The following SCHIP1 variants were observed in gnomAD, a reference collection of about 807,000 sequenced individuals.
SCHIP1 encodes the protein schwannomin interacting protein 1.
SCHIP1 carries 8 observed loss-of-function variants against 29.7 expected under a neutral mutation model. That is an observed-to-expected ratio of 0.27 (90% CI 0.16 to 0.49). The LOEUF is 0.49. Ranked by LOEUF, SCHIP1 falls within the 20% of genes least tolerant of loss-of-function variation. The pLI, the probability that SCHIP1 is intolerant of heterozygous loss-of-function variation, is 0.99. For synonymous variants in SCHIP1, 76 were observed against 94.9 expected (o/e 0.80, Z 1.16); for missense variants, 193 against 294.6 (o/e 0.66, Z 2.52).
the SCHIP1 span, among the ~76,000 whole-genome samples, chr3:159,587,638 G>C: frequency 2.0e-5 from 3 of 151,982 alleles, no homozygotes; most frequent in Non-Finnish European, 4.4e-5. Context: ...CCCCACAACA[G>C]GACCCAGTGT....
the SCHIP1 span, among the ~76,000 whole-genome samples, chr3:159,425,847 G>A: frequency 4.5e-3 from 681 of 152,048 alleles, no homozygotes; most frequent in Middle Eastern, 0.014. Context: ...ACTATCTCTC[G>A]GACCACAGTG....
chr3:159,687,668 G>T, the SCHIP1 span, among the ~76,000 whole-genome samples: 2 of 152,086 alleles, frequency 1.3e-5, no homozygotes, highest in Non-Finnish European at 2.9e-5. Flanking sequence ...TGTTACACAG[G>T]TATACACGTG....
the SCHIP1 span, among the ~76,000 whole-genome samples, chr3:159,549,626 A>G: frequency 1.3e-5 from 2 of 152,144 alleles, no homozygotes; most frequent in Non-Finnish European, 2.9e-5. Context: ...CCCTTCTTAC[A>G]CTTTGACACT....
chr3:159,888,744 G>A (rs1030333842), intron 4 of SCHIP1, 76 bp from the exon 6 acceptor site: 25 of 1,561,038 alleles, frequency 1.6e-5, no homozygotes, highest in South Asian at 4.9e-5. Context: ...GGTCTTTTAA[G>A]AGAAAACTGG....
At chr3:159,443,433 C>T in the SCHIP1 span, among the ~76,000 whole-genome samples, 2 of 152,122 alleles carry the variant, frequency 1.3e-5, no homozygotes, top group Non-Finnish European at 2.9e-5. Flanking sequence ...ACCCTGGAAA[C>T]AGCAGTAATT....
chr3:159,696,088 A>AT, the SCHIP1 span, among the ~76,000 whole-genome samples: 18 of 151,886 alleles, frequency 1.2e-4, no homozygotes, highest in African/African-American at 4.1e-4. Context: ...AACTTATCAC[A>AT]TTTTTTTCCA....
chr3:159,283,520 T>G, the SCHIP1 span, among the ~76,000 whole-genome samples: 4 of 152,192 alleles, frequency 2.6e-5, no homozygotes, highest in African/African-American at 4.8e-5. Flanking sequence ...TTCCTTTTTT[T>G]TTTTTTGAGA....
the SCHIP1 span, among the ~76,000 whole-genome samples, chr3:159,365,607 AC>A: frequency 6.6e-6 from 1 of 152,134 alleles, no homozygotes; most frequent in African/African-American, 2.4e-5. Flanking sequence ...GTTCCTTTCT[AC>A]GCACTACATT....
At chr3:159,797,150 C>T in the SCHIP1 span, among the ~76,000 whole-genome samples, 14 of 152,316 alleles carry the variant, frequency 9.2e-5, no homozygotes, top group Non-Finnish European at 1.8e-4. Context: ...CTAAAGCATA[C>T]TATTTATAAG....
the SCHIP1 span, among the ~76,000 whole-genome samples, chr3:159,571,231 C>T: frequency 6.6e-6 from 1 of 152,138 alleles, no homozygotes; most frequent in South Asian, 2.1e-4. Context: ...CAAGGGAATG[C>T]TTCCAGTTTT....
At chr3:159,412,182 C>T in the SCHIP1 span, among the ~76,000 whole-genome samples, 1 of 152,130 alleles carries the variant, frequency 6.6e-6, no homozygotes, top group African/African-American at 2.4e-5. Context: ...ACCACTTAGC[C>T]AATAACTAGT....
At chr3:159,756,264 G>C in the SCHIP1 span, among the ~76,000 whole-genome samples, 1 of 152,212 alleles carries the variant, frequency 6.6e-6, no homozygotes, top group African/African-American at 2.4e-5. Context: ...TCAAAATCTA[G>C]GTGGAGGTTC....
chr3:159,817,763 T>C, the SCHIP1 span, among the ~76,000 whole-genome samples: 1 of 152,216 alleles, frequency 6.6e-6, no homozygotes, highest in Non-Finnish European at 1.5e-5. Context: ...TTCCTCATTG[T>C]GCTTTTGTCG....
the SCHIP1 span, among the ~76,000 whole-genome samples, chr3:159,477,265 C>T: frequency 6.6e-6 from 1 of 152,030 alleles, no homozygotes; most frequent in Admixed American, 6.6e-5. Flanking sequence ...TGCATGTATC[C>T]CTTTGACTTA....
chr3:159,730,983 G>T, the SCHIP1 span, among the ~76,000 whole-genome samples: 1 of 152,150 alleles, frequency 6.6e-6, no homozygotes, highest in Non-Finnish European at 1.5e-5. Context: ...ATATGGAGTG[G>T]CCTTTGTCCT....
the SCHIP1 span, among the ~76,000 whole-genome samples, chr3:159,512,787 G>A: frequency 1.3e-5 from 2 of 152,176 alleles, no homozygotes; most frequent in African/African-American, 4.8e-5. Flanking sequence ...CTATCAAATA[G>A]TAGGTCTTAC....
the SCHIP1 span, among the ~76,000 whole-genome samples, chr3:159,366,898 C>A: frequency 6.6e-6 from 1 of 152,206 alleles, no homozygotes; most frequent in East Asian, 1.9e-4. Context: ...AAATACCAAT[C>A]TGTGCTATCA....
intron 1 of SCHIP1, among the ~76,000 whole-genome samples, chr3:159,844,723 T>G (rs1711554771): frequency 6.6e-6 from 1 of 152,208 alleles, no homozygotes; most frequent in Admixed American, 6.5e-5. Flanking sequence ...GCTTAAAAGC[T>G]CTTAAATATT....
At chr3:159,303,866 T>A in the SCHIP1 span, among the ~76,000 whole-genome samples, 1 of 152,340 alleles carries the variant, frequency 6.6e-6, no homozygotes, top group South Asian at 2.1e-4. Context: ...TTTTTCTTTT[T>A]CTTTTATTAT....
Sources: gnomAD v4.1 joint callset for allele counts (sites outside exome capture counted in the v4.1 genomes callset) on GRCh38, gnomAD v4.1.1 for gene constraint, MANE v1.5 for transcripts, NCBI Gene and HGNC (gene_info 2026-07-23, HGNC 2026-07-21) for gene names.